The following PROM1 variants were observed in gnomAD, a reference collection of about 807,000 sequenced individuals.
The protein encoded by PROM1 is prominin-1.
PROM1 carries 105 observed loss-of-function variants against 116.9 expected under a neutral mutation model. The observed-to-expected ratio is 0.90, with a 90% CI of 0.77 to 1.06. The LOEUF (loss-of-function observed/expected upper bound fraction) is 1.06, where lower values mean the gene tolerates loss of function less well. Among genes scored for constraint, PROM1 ranks in the 50% least tolerant of loss-of-function variants. The probability of loss-of-function intolerance (pLI) is 0.00; values close to 1 mark genes in which losing one functional copy is unlikely to be tolerated. For synonymous variants in PROM1, 393 were observed against 387.0 expected (o/e 1.02, Z -0.18); for missense variants, 1,122 against 1,045.2 (o/e 1.07, Z -1.01).
At chr4:16,013,566 TA>T (rs1247717443) in intron 10 of PROM1, among the ~76,000 whole-genome samples, 2 of 152,242 alleles carry the variant, frequency 1.3e-5, no homozygotes, top group African/African-American at 4.8e-5. Context: ...GTTTTTCATA[TA>T]GGGGGTCCCC....
intron 2 of PROM1, among the ~76,000 whole-genome samples, chr4:16,054,891 A>C (rs1246884509): frequency 6.6e-6 from 1 of 152,088 alleles, no homozygotes; most frequent in Admixed American, 6.5e-5. Flanking sequence ...TCAAAGTTAA[A>C]TGTGAGGTCC....
chr4:16,042,853 C>A (rs1194076997), intron 2 of PROM1, among the ~76,000 whole-genome samples: 1 of 152,086 alleles, frequency 6.6e-6, no homozygotes, highest in African/African-American at 2.4e-5. Flanking sequence ...GAGCTAACAC[C>A]CAGTACCTCA....
intron 4 of PROM1, among the ~76,000 whole-genome samples, chr4:16,033,902 C>CATATATAT (rs35739890): frequency 1.9e-4 from 28 of 147,156 alleles, no homozygotes; most frequent in African/African-American, 6.7e-4. Flanking sequence ...TGAATGTGTA[C>CATATATAT]ATATATATAT....
At chr4:15,990,279 T>C (rs1720645852) in intron 18 of PROM1, among the ~76,000 whole-genome samples, 1 of 152,216 alleles carries the variant, frequency 6.6e-6, no homozygotes, top group South Asian at 2.1e-4. Flanking sequence ...TAAGCTCCTA[T>C]ACCGAGTCAA....
chr4:16,064,516 C>G (rs1305888678), intron 2 of PROM1, among the ~76,000 whole-genome samples: 1 of 152,152 alleles, frequency 6.6e-6, no homozygotes, highest in Non-Finnish European at 1.5e-5. Context: ...GATCTGAGTA[C>G]TAGTTACACG....
In PROM1 at chr4:15,994,082, G is replaced by T. The variant is rs761659451; in HGVS notation, c.1683-11C>A. The T allele has an allele frequency of 1.2e-6, 2 of 1,613,572 alleles. No homozygotes were observed. The highest frequency in any genetic ancestry group is 1.7e-5 in the Admixed American group (1 of 59,962). ...TTTTTTTTGCAGTCACTGTGGGAAT[G>T]AACAGAGAAATTAGGACCTAGAAAA... On this transcript the variant is annotated splice_polypyrimidine_tract_variant and intron_variant, in intron 15 of 27. Transcript: ENST00000447510.
chr4:16,016,607 G>T (rs1425329037), intron 9 of PROM1, among the ~76,000 whole-genome samples: 1 of 151,726 alleles, frequency 6.6e-6, no homozygotes, highest in African/African-American at 2.4e-5. Flanking sequence ...TTATATTAGT[G>T]AGTAATCTGG....
At chr4:16,017,847 A>C (rs1321963661) in intron 9 of PROM1, among the ~76,000 whole-genome samples, 3 of 152,222 alleles carry the variant, frequency 2.0e-5, no homozygotes, top group African/African-American at 7.2e-5. Flanking sequence ...GTGTGTATCT[A>C]ACTAAATCAG....
chr4:16,059,370 G>A (rs1039136230), intron 2 of PROM1, among the ~76,000 whole-genome samples: 7 of 152,092 alleles, frequency 4.6e-5, no homozygotes, highest in Non-Finnish European at 1.0e-4. Flanking sequence ...TAGGTAAACT[G>A]GTTCAACATT....
At chr4:16,065,623 A>T (rs1447929908) in intron 2 of PROM1, among the ~76,000 whole-genome samples, 1 of 152,216 alleles carries the variant, frequency 6.6e-6, no homozygotes, top group Non-Finnish European at 1.5e-5. Flanking sequence ...TGCCCAGTAG[A>T]TGCTTGCTAC....
chr4:16,041,238 A>T (rs1281612135), intron 2 of PROM1, among the ~76,000 whole-genome samples: 1 of 152,254 alleles, frequency 6.6e-6, no homozygotes, highest in Admixed American at 6.5e-5. Flanking sequence ...CTTTGCCATC[A>T]GGCACTCATG....
chr4:16,027,914 A>C (rs916799715), intron 5 of PROM1, among the ~76,000 whole-genome samples: 2 of 152,230 alleles, frequency 1.3e-5, no homozygotes, highest in African/African-American at 4.8e-5. Context: ...AATGAATTGC[A>C]ATACATTTCA....
In PROM1 at chr4:16,023,361, A is replaced by T; in HGVS notation, c.749T>A (p.Ile250Asn). The change falls in exon 8 of 28, where the codon ATC becomes AAC. Residue 250 changes from isoleucine to asparagine, a missense_variant. Ile to Asn is a moderately radical substitution (Grantham distance 149, BLOSUM62 -3). Coordinates refer to ENST00000447510, the MANE Select transcript of PROM1 (RefSeq NM_006017.3). ...GILDRLRPNI[I>N]PVLDEIKSMA... ...GGACTTAATCTCATCAAGAACAGGG[A>T]TGATGTTGGGTCTCAGTCGGTCAAG... 16 of 1,607,910 alleles carry T rather than the reference A, an allele frequency of 1.0e-5. No individual in the cohort carries two copies. The highest frequency in any genetic ancestry group is 1.7e-4 in the Middle Eastern group (1 of 6,046).
chr4:16,045,823 T>TA (rs1466089894), intron 2 of PROM1, among the ~76,000 whole-genome samples: 1 of 152,042 alleles, frequency 6.6e-6, no homozygotes, highest in African/African-American at 2.4e-5. Flanking sequence ...CATGACCAAA[T>TA]ACAGTGGAGC....
rs111821667 is a variant in PROM1 at position 16,080,950 on chromosome 4, A to G, written c.-213+3028T>C. 4.1e-3 allele frequency among the ~76,000 whole-genome samples: 626 copies of G among 152,240 alleles called. 3 individuals carry two copies. The highest frequency in any genetic ancestry group is 0.039 in the East Asian group (200 of 5,178). ...CATCAGGGGTCCTGTGGCATGTCCTAGATTCCTAAGCCTGGCTAGCCAGCC... is the reference window on the plus strand; with the variant it reads ...CATCAGGGGTCCTGTGGCATGTCCTGGATTCCTAAGCCTGGCTAGCCAGCC... On this transcript the variant is annotated intron_variant, in intron 1 of 27. Transcript: ENST00000447510.
At chr4:16,041,169 T>A (rs1735135983) in intron 2 of PROM1, among the ~76,000 whole-genome samples, 1 of 152,174 alleles carries the variant, frequency 6.6e-6, no homozygotes, top group Non-Finnish European at 1.5e-5. Flanking sequence ...AAGGCGGTGG[T>A]AGATAAGAAT....
At chr4:16,011,055 C>T (rs1365164940) in intron 11 of PROM1, among the ~76,000 whole-genome samples, 8 of 152,116 alleles carry the variant, frequency 5.3e-5, no homozygotes, top group Admixed American at 5.2e-4. Context: ...TTCCCATGTT[C>T]TAGGAGCAGC....
chr4:15,980,946 GTTATTTAT>G (rs59408018), intron 23 of PROM1, among the ~76,000 whole-genome samples: 1 of 145,140 alleles, frequency 6.9e-6, no homozygotes, highest in Admixed American at 6.8e-5. Flanking sequence ...CTTATGAGTT[GTTATTTAT>G]TTATTTATTT....
At chr4:16,069,124 A>C (rs991423377) in intron 2 of PROM1, among the ~76,000 whole-genome samples, 1 of 152,206 alleles carries the variant, frequency 6.6e-6, no homozygotes, top group African/African-American at 2.4e-5. Flanking sequence ...TATCCCAGCT[A>C]CGCGGGAGGC....
Sources: gnomAD v4.1 joint callset for allele counts (sites outside exome capture counted in the v4.1 genomes callset) on GRCh38, gnomAD v4.1.1 for gene constraint, MANE v1.5 for transcripts, NCBI Gene and HGNC (gene_info 2026-07-23, HGNC 2026-07-21) for gene names.